The following KDM2B variants were observed in gnomAD, a reference collection of about 807,000 sequenced individuals.
KDM2B encodes lysine demethylase 2B.
In KDM2B, 26 loss-of-function variants were observed where a neutral mutation model predicts 150.0. That is an observed-to-expected ratio of 0.17 (90% CI 0.13 to 0.24). The LOEUF is 0.24. Among genes scored for constraint, KDM2B ranks in the 10% least tolerant of loss-of-function variants. The pLI is 1.00. For synonymous variants in KDM2B, 734 were observed against 729.5 expected (o/e 1.01, Z -0.10); for missense variants, 1,265 against 1,816.9 (o/e 0.70, Z 5.52).
chr12:121,549,812 C>T lies in KDM2B; in HGVS notation c.398-174G>A, dbSNP rs376095492. Among the ~76,000 whole-genome samples, 14 of 152,290 alleles carry T rather than the reference C, an allele frequency of 9.2e-5. No homozygotes were observed. Among genetic ancestry groups the T allele is most frequent in the African/African-American group, 2.9e-4 (12 of 41,568 alleles). Reference sequence around the variant, plus strand: ...CGGCTTTCCTTCTGGGATCTGTCTCCCACCCACCTTGCTTCCCTGCACCAC... The same window carrying T: ...CGGCTTTCCTTCTGGGATCTGTCTCTCACCCACCTTGCTTCCCTGCACCAC... On this transcript the variant is annotated intron_variant, in intron 4 of 22. Transcript: ENST00000377071. This position sits in a 1 kb window ranked among gnomAD's most constrained non-coding sequence, Gnocchi z 4.4.
the KDM2B span, among the ~76,000 whole-genome samples, chr12:121,416,856 A>G: frequency 6.6e-6 from 1 of 152,108 alleles, no homozygotes; most frequent in Non-Finnish European, 1.5e-5. Flanking sequence ...GACCCATCAT[A>G]TTGGTAGGCC....
chr12:121,442,846 A>G lies in KDM2B; in HGVS notation c.2605-10T>C, dbSNP rs1555288935. The G allele has an allele frequency of 6.6e-7, 1 of 1,518,368 alleles. No homozygotes were observed. Among genetic ancestry groups the G allele is most frequent in the Admixed American group, 2.3e-5 (1 of 43,088 alleles). 94.1% of individuals were successfully genotyped at this position (1,518,368 alleles called of 1,614,324 possible). On this transcript the variant is annotated splice_polypyrimidine_tract_variant and intron_variant, in intron 18 of 22. Coordinates refer to ENST00000377071, the MANE Select transcript of KDM2B (RefSeq NM_032590.5). The surrounding 1 kb of genome is among the most constrained non-coding windows in gnomAD (Gnocchi z 7.7). ...TCTTCCAGGACCGCCGCTGAGGGCG[A>G]GAGCGGAGACGCGTCAGCCTCTGGG...
At chr12:121,531,962 G>A (rs1323626839) in intron 8 of KDM2B, among the ~76,000 whole-genome samples, 4 of 151,916 alleles carry the variant, frequency 2.6e-5, no homozygotes, top group South Asian at 2.1e-4. Flanking sequence ...GCATGTTGGC[G>A]CACGTCTGTA....
rs28841332 is a variant in KDM2B, at chr12:121,568,205, G to A, written c.397+6342C>T. On this transcript the variant is annotated intron_variant, in intron 4 of 22. Transcript: ENST00000377071. ...AAACAAAGGCCAGGTGCAGTGGCTC[G>A]CACCTGTAACCCCAGCACTTTGGGA... Among the ~76,000 whole-genome samples, 859 of 152,080 alleles carry A rather than the reference G, an allele frequency of 5.6e-3. 12 individuals carry two copies. Among genetic ancestry groups the A allele is most frequent in the African/African-American group, 0.019 (805 of 41,468 alleles).
chr12:121,444,677 AAC>A (rs1875839860), intron 14 of KDM2B, 141 bp from the exon 15 acceptor site: 5 of 707,428 alleles, frequency 7.1e-6, no homozygotes, highest in South Asian at 3.2e-5. Flanking sequence ...GGCAAAAGAA[AAC>A]ACAGCTGCAG....
At chr12:121,543,566 C>T (rs1308495738) in intron 6 of KDM2B, among the ~76,000 whole-genome samples, 2 of 152,096 alleles carry the variant, frequency 1.3e-5, no homozygotes, top group African/African-American at 4.8e-5. Context: ...TGGCTCATGC[C>T]TGTAATCCCA....
At chr12:121,450,726 G>A (rs782135585) in intron 13 of KDM2B, among the ~76,000 whole-genome samples, 12 of 152,252 alleles carry the variant, frequency 7.9e-5, no homozygotes, top group South Asian at 6.2e-4. Context: ...CAGGCGTGGT[G>A]GCGGGCACTG....
chr12:121,574,995 T>C (rs782141432), intron 3 of KDM2B, among the ~76,000 whole-genome samples: 2 of 152,180 alleles, frequency 1.3e-5, no homozygotes, highest in Middle Eastern at 3.2e-3. Context: ...CATGAGGAGT[T>C]TTATGCAAAG....
At chr12:121,556,278 G>A (rs1555312682) in intron 4 of KDM2B, among the ~76,000 whole-genome samples, 1 of 152,090 alleles carries the variant, frequency 6.6e-6, no homozygotes, top group East Asian at 1.9e-4. Context: ...CTGGAGTGCA[G>A]TGGCTTGAAC....
Position 121,440,980 on chromosome 12 carries a change from G to T in KDM2B, c.3449-3C>A. The T allele has an allele frequency of 6.2e-7, 1 of 1,613,272 alleles. No homozygotes were observed. Among genetic ancestry groups the T allele is most frequent in the Non-Finnish European group, 8.5e-7 (1 of 1,179,512 alleles). ...TGACAGCACCAAGTCCCGGAGCCCT[G>T]GGGGGACATAGAAAAGGGTGAAGGT... On this transcript the variant is annotated splice_region_variant and splice_polypyrimidine_tract_variant and intron_variant, in intron 20 of 22. Transcript: ENST00000377071.
At chr12:121,509,035 G>A (rs1313342394) in intron 11 of KDM2B, among the ~76,000 whole-genome samples, 1 of 152,072 alleles carries the variant, frequency 6.6e-6, no homozygotes, top group Non-Finnish European at 1.5e-5. Context: ...GCCACAGAGT[G>A]AGGTTCCAAA....
chr12:121,491,251 C>T (rs1200085617), intron 12 of KDM2B, among the ~76,000 whole-genome samples: 5 of 152,156 alleles, frequency 3.3e-5, no homozygotes, highest in Admixed American at 6.6e-5. Flanking sequence ...TGCACCTCTC[C>T]GAGCTCTGTG....
At chr12:121,444,835 G>A (rs1875866772) in intron 14 of KDM2B, 1 of 499,184 alleles carries the variant, frequency 2.0e-6, no homozygotes, top group Non-Finnish European at 3.7e-6. Context: ...CTCACTGGGG[G>A]GGTATGACCC....
At position 121,521,548 on chromosome 12, in the gene KDM2B, C is replaced by T. The variant is rs1419781321; in HGVS notation, c.932-448G>A. Among the ~76,000 whole-genome samples the T allele has an allele frequency of 4.6e-5, 7 of 152,170 alleles. No individual in the cohort carries two copies. Among genetic ancestry groups the T allele is most frequent in the African/African-American group, 9.6e-5 (4 of 41,452 alleles). Reference sequence around the variant, plus strand: ...CACAAAGGATGGCTGGGAACCATGACGCAGGAGTGACGTCTTGCCAGAGCT... The same window carrying T: ...CACAAAGGATGGCTGGGAACCATGATGCAGGAGTGACGTCTTGCCAGAGCT... On this transcript the variant is annotated intron_variant, in intron 8 of 22. Transcript: ENST00000377071. This position sits in a 1 kb window ranked among gnomAD's most constrained non-coding sequence, Gnocchi z 4.9.
At chr12:121,530,184 C>T (rs569238757) in intron 8 of KDM2B, among the ~76,000 whole-genome samples, 48 of 146,414 alleles carry the variant, frequency 3.3e-4, no homozygotes, top group Non-Finnish European at 3.9e-4. Context: ...GCCGAGATTG[C>T]GCCACTGCAC....
Position 121,509,726 on chromosome 12 carries a change from G to A in KDM2B, c.1488C>T (p.Gly496=). 6.2e-7 allele frequency: 1 copy of A among 1,614,168 alleles called. No individual in the cohort carries two copies. The highest frequency in any genetic ancestry group is 8.5e-7 in the Non-Finnish European group (1 of 1,180,034). Residue 496 remains glycine, a synonymous_variant, in exon 11 of 23, where the codon GGC becomes GGT. Coordinates refer to ENST00000377071, the MANE Select transcript of KDM2B (RefSeq NM_032590.5). ...TGGCAGAGACCTCCGTGGCGGGAGA[G>A]CCGGTGGGGGTCTTGGGGTAGTCTA... is the stretch of plus-strand genomic sequence containing the variant. ...LAVDYPKTPT[G]SPATEVSAKW... is the part of the protein sequence containing the mutation.
chr12:121,466,720 C>T (rs1566301397), intron 12 of KDM2B, among the ~76,000 whole-genome samples: 1 of 150,148 alleles, frequency 6.7e-6, no homozygotes. Flanking sequence ...ACTTTGCGAA[C>T]GCAGAGGCAG....
intron 4 of KDM2B, among the ~76,000 whole-genome samples, chr12:121,562,564 T>G (rs1403752201): frequency 6.6e-6 from 1 of 151,726 alleles, no homozygotes; most frequent in Non-Finnish European, 1.5e-5. Flanking sequence ...ACACAGTCCA[T>G]CAAGGGCAAG....
rs1555304354 is a variant in KDM2B at position 121,513,416 on chromosome 12, C to CGCAG, written c.1048-18_1048-15dup. On this transcript the variant is annotated splice_polypyrimidine_tract_variant and intron_variant, in intron 9 of 22. Transcript: ENST00000377071. This position sits in a 1 kb window ranked among gnomAD's most constrained non-coding sequence, Gnocchi z 5.0. ...TTTGGGCTGCACCTGAAAGCAAAGA[C>CGCAG]GCAGGCAGGCAGAGGTCAGTTTCCA... is the stretch of plus-strand genomic sequence containing the variant. 6.2e-7 allele frequency: 1 copy of CGCAG among 1,608,670 alleles called. No individual in the cohort carries two copies. Among genetic ancestry groups the CGCAG allele is most frequent in the Non-Finnish European group, 8.5e-7 (1 of 1,175,814 alleles).
Sources: allele counts gnomAD v4.1 joint callset (sites outside exome capture counted in the v4.1 genomes callset), GRCh38; gene constraint gnomAD v4.1.1; non-coding constraint Gnocchi (gnomAD v3.1); transcripts MANE v1.5; gene names NCBI Gene and HGNC (gene_info 2026-07-23, HGNC 2026-07-21).